The following CC2D1A variants were observed in gnomAD, a reference collection of about 807,000 sequenced individuals.
CC2D1A encodes the protein coiled-coil and C2 domain-containing protein 1A.
Under a neutral mutation model 123.8 loss-of-function variants are expected in CC2D1A, and 68 were observed. That is an observed-to-expected ratio of 0.55 (90% confidence interval 0.45 to 0.67). CC2D1A has a LOEUF of 0.67. CC2D1A is among the 30% of genes least tolerant of loss of function. The pLI is 0.00. For missense variants in CC2D1A, 1,185 were observed against 1,290.3 expected (o/e 0.92, Z 1.25); for synonymous variants, 477 against 528.0 (o/e 0.90, Z 1.32).
At chr19:13,926,230 G>A (rs373441072) in intron 17 of CC2D1A, among the ~76,000 whole-genome samples, 1 of 151,526 alleles carries the variant, frequency 6.6e-6, no homozygotes, top group Non-Finnish European at 1.5e-5. Context: ...CTCAACAACT[G>A]TTAAGTGAAG....
At chr19:13,914,995 G>A (rs904471295) in intron 6 of CC2D1A, among the ~76,000 whole-genome samples, 2 of 152,240 alleles carry the variant, frequency 1.3e-5, no homozygotes, top group Non-Finnish European at 2.9e-5. Context: ...TCAAAATACT[G>A]GCATGGGTTT....
rs769987664 is a variant in CC2D1A at position 13,930,424 on chromosome 19, A to G, written c.*29A>G. The stretch of plus-strand genomic sequence containing the variant: ...GCCCATGGGGCGGGCAGCCCCCAGA[A>G]AGCGGGCAGCAGGCCCCGATACCGG... On this transcript the variant is annotated 3_prime_UTR_variant, in exon 29 of 29. Transcript: ENST00000318003. This position sits in a 1 kb window ranked among gnomAD's most constrained non-coding sequence, Gnocchi z 6.8. 2 of 1,587,924 alleles carry G rather than the reference A, an allele frequency of 1.3e-6. No individual in the cohort carries two copies. Among genetic ancestry groups the G allele is most frequent in the South Asian group, 2.3e-5 (2 of 88,262 alleles).
Position 13,930,588 on chromosome 19 carries a change from A to G in CC2D1A, c.*193A>G. 3.1e-6 allele frequency: 2 copies of G among 652,542 alleles called. No individual in the cohort carries two copies. Among genetic ancestry groups the G allele is most frequent in the Non-Finnish European group, 5.2e-6 (2 of 384,586 alleles). 40.4% of individuals were successfully genotyped at this position (652,542 alleles called of 1,614,324 possible). On this transcript the variant is annotated 3_prime_UTR_variant, in exon 29 of 29. Coordinates refer to ENST00000318003, the MANE Select transcript of CC2D1A (RefSeq NM_017721.5). The surrounding 1 kb of genome is among the most constrained non-coding windows in gnomAD (Gnocchi z 6.8). Reference sequence around the variant, plus strand: ...TTGGGAACCATGCCTGCCAGCCAGTATGTGCCCCTCACCCAGGCCTGGCTG... The same window carrying G: ...TTGGGAACCATGCCTGCCAGCCAGTGTGTGCCCCTCACCCAGGCCTGGCTG...
intron 14 of CC2D1A, among the ~76,000 whole-genome samples, chr19:13,921,529 G>A (rs555345831): frequency 6.6e-6 from 1 of 152,192 alleles, no homozygotes; most frequent in East Asian, 1.9e-4. Flanking sequence ...AGACAGCCAG[G>A]ATTCCTCATG....
At position 13,919,876 on chromosome 19, in the gene CC2D1A, T is replaced by C. The variant is rs10410239; in HGVS notation, c.1281T>C (p.Gly427=). The change falls in exon 12 of 29, where the codon GGT becomes GGC. Residue 427 remains glycine (G), a synonymous_variant. Transcript: ENST00000318003. ...ATKPTQQSLV[G]VLETAMKLAN... Reference sequence around the variant, plus strand: ...AGCCCACCCAGCAGAGTCTGGTGGGTGTCCTGGAGACTGCCATGAAGCTGG... The same window carrying C: ...AGCCCACCCAGCAGAGTCTGGTGGGCGTCCTGGAGACTGCCATGAAGCTGG... 394,091 of 1,611,382 alleles carry C rather than the reference T, an allele frequency of 0.24. 60,576 individuals carry two copies. The highest frequency in any genetic ancestry group is 0.76 in the African/African-American group (56,533 of 74,796).
intron 20 of CC2D1A, 26 bp from the exon 21 acceptor site, chr19:13,926,952 C>A: frequency 6.2e-7 from 1 of 1,612,974 alleles, no homozygotes; most frequent in Non-Finnish European, 8.5e-7. Flanking sequence ...CCCCACCCAA[C>A]TTCCTCTCCC....
chr19:13,928,298 A>G, intron 24 of CC2D1A, 110 bp downstream of exon 24: 3 of 928,014 alleles, frequency 3.2e-6, no homozygotes, highest in Middle Eastern at 2.7e-4. Flanking sequence ...CTCCTGCTGC[A>G]AAACCTTTCT....
intron 22 of CC2D1A, 147 bp from the exon 23 acceptor site, chr19:13,927,745 GC>G: frequency 1.2e-6 from 1 of 808,840 alleles, no homozygotes; most frequent in Non-Finnish European, 2.0e-6. Flanking sequence ...TTGCACCACT[GC>G]ACTCCAGCCT....
intron 14 of CC2D1A, among the ~76,000 whole-genome samples, chr19:13,922,758 T>A (rs776197547): frequency 2.9e-4 from 44 of 152,102 alleles, no homozygotes; most frequent in Non-Finnish European, 6.3e-4. Context: ...TTTCTCAAAC[T>A]CTTGAGCTCA....
intron 12 of CC2D1A, 176 bp from the exon 13 acceptor site, chr19:13,920,381 G>GAAAAA: frequency 1.9e-6 from 1 of 525,156 alleles, no homozygotes; most frequent in East Asian, 3.4e-5. Flanking sequence ...TCTCAAAAAA[G>GAAAAA]AAAAAAAAAA....
chr19:13,913,071 C>A, intron 4 of CC2D1A, 97 bp from the exon 5 acceptor site: 1 of 1,319,524 alleles, frequency 7.6e-7, no homozygotes, highest in Admixed American at 2.8e-5. Context: ...GGAGGCTGGT[C>A]CAGGGATGAC....
chr19:13,930,405 G>A lies in CC2D1A; in HGVS notation c.*10G>A. On this transcript the variant is annotated 3_prime_UTR_variant, in exon 29 of 29. Transcript: ENST00000318003. The surrounding 1 kb of genome is among the most constrained non-coding windows in gnomAD (Gnocchi z 6.8). ...GCGGCTCCGCAGGTGAGGAGCCCAT[G>A]GGGCGGGCAGCCCCCAGAAAGCGGG... 1 of 1,602,508 alleles carries A rather than the reference G, an allele frequency of 6.2e-7. No homozygotes were observed. Among genetic ancestry groups the A allele is most frequent in the Non-Finnish European group, 8.5e-7 (1 of 1,173,778 alleles).
In CC2D1A at chr19:13,920,915, T is replaced by C. The variant is rs75601897; in HGVS notation, c.1634T>C (p.Ile545Thr). ...EASRNGLPVD[I>T]TKVPPAPVNK... The stretch of plus-strand genomic sequence containing the variant: ...TCGCGCAATGGGCTGCCTGTGGACA[T>C]CACCAAGGTGAACCTTCTGGGCTTG... The change falls in exon 14 of 29, where the codon ATC becomes ACC. Residue 545 changes from isoleucine (I) to threonine (T), a missense_variant. Transcript: ENST00000318003. 1.2e-3 allele frequency: 1,989 copies of C among 1,612,160 alleles called. 16 individuals carry two copies. The African/African-American group carries it at 0.024, about 19-fold the overall frequency.
chr19:13,920,228 G>A, intron 12 of CC2D1A: 1 of 515,310 alleles, frequency 1.9e-6, no homozygotes. Flanking sequence ...GCCAGTCTGG[G>A]TGACAGAGCA....
intron 11 of CC2D1A, 60 bp downstream of exon 11, chr19:13,919,262 C>T: frequency 3.7e-6 from 5 of 1,356,936 alleles, no homozygotes; most frequent in Non-Finnish European, 5.0e-6. Context: ...GCCCCGCCCC[C>T]AGAGGCCCCG....
At chr19:13,907,525 T>C (rs938700011) in intron 1 of CC2D1A, among the ~76,000 whole-genome samples, 10 of 151,836 alleles carry the variant, frequency 6.6e-5, no homozygotes, top group Admixed American at 1.3e-4. Context: ...ATACAAAAAT[T>C]AGCTGGGCAT....
Position 13,923,771 on chromosome 19 carries a change from C to A in CC2D1A, c.1900C>A (p.Pro634Thr), listed in dbSNP as rs769300853. The change falls in exon 17 of 29, where the codon CCC becomes ACC. Residue 634 changes from proline (P) to threonine (T), a missense_variant. Pro to Thr is a conservative substitution (Grantham distance 38, BLOSUM62 -1). Transcript: ENST00000318003. The surrounding 1 kb of genome is among the most constrained non-coding windows in gnomAD (Gnocchi z 5.3). The stretch of plus-strand genomic sequence containing the variant: ...AGCCTTCGTCCGGGGTCTCCCCACG[C>A]CCACCGCCCGCTTTGAGCAAAGGAC... Reference protein sequence around the residue: ...KQAFVRGLPTPTARFEQRTFS... With the variant: ...KQAFVRGLPTTTARFEQRTFS... 7.9e-5 allele frequency: 128 copies of A among 1,613,994 alleles called. No individual in the cohort carries two copies. The highest frequency in any genetic ancestry group is 8.7e-5 in the Non-Finnish European group (103 of 1,179,982).
chr19:13,915,341 G>A (rs894133695), intron 6 of CC2D1A, among the ~76,000 whole-genome samples: 10 of 152,168 alleles, frequency 6.6e-5, no homozygotes, highest in Non-Finnish European at 1.2e-4. Context: ...CGCCTCCCAG[G>A]TTCAAGTGAT....
chr19:13,920,245 C>T, intron 12 of CC2D1A: 1 of 510,948 alleles, frequency 2.0e-6, no homozygotes. Context: ...AGCAAGACCT[C>T]ATCTCCAAGA....
Sources: allele counts gnomAD v4.1 joint callset (sites outside exome capture counted in the v4.1 genomes callset), GRCh38; gene constraint gnomAD v4.1.1; non-coding constraint Gnocchi (gnomAD v3.1); transcripts MANE v1.5; gene names NCBI Gene and HGNC (gene_info 2026-07-23, HGNC 2026-07-21).